Variants in CPNE4 observed in about 807,000 individuals in gnomAD.
CPNE4 encodes copine 4, also known as copine-4.
In CPNE4, 25 loss-of-function variants were observed where a neutral mutation model predicts 67.9. The ratio of observed to expected loss-of-function variants is 0.37; its 90% CI spans 0.27 to 0.51. The LOEUF is 0.51. Ranked by LOEUF, CPNE4 falls within the 20% of genes least tolerant of loss-of-function variation. CPNE4 has a pLI of 0.93. For synonymous variants in CPNE4, 242 were observed against 244.9 expected (o/e 0.99, Z 0.11); for missense variants, 464 against 690.8 (o/e 0.67, Z 3.68).
chr3:131,710,728 GTTTC>G (rs1244398493), intron 3 of CPNE4, among the ~76,000 whole-genome samples: 1 of 152,140 alleles, frequency 6.6e-6, no homozygotes, highest in Non-Finnish European at 1.5e-5. Flanking sequence ...CTGAAAATCA[GTTTC>G]TTCCCTTCGA....
At chr3:131,554,041 G>A (rs955178508) in intron 12 of CPNE4, among the ~76,000 whole-genome samples, 1 of 152,078 alleles carries the variant, frequency 6.6e-6, no homozygotes, top group African/African-American at 2.4e-5. Context: ...CCAAAAAGAT[G>A]TCATTAGTGA....
chr3:131,626,264 C>A (rs2079071429), intron 7 of CPNE4, among the ~76,000 whole-genome samples: 4 of 152,140 alleles, frequency 2.6e-5, no homozygotes. Context: ...GTGGGGAAGG[C>A]AAGTCAAAAG....
chr3:131,721,702 C>T (rs1167419187), intron 3 of CPNE4, among the ~76,000 whole-genome samples: 1 of 152,088 alleles, frequency 6.6e-6, no homozygotes, highest in Non-Finnish European at 1.5e-5. Flanking sequence ...GCCGGATCTA[C>T]CTTTATTTCT....
intron 1 of CPNE4, among the ~76,000 whole-genome samples, chr3:131,978,572 T>G: frequency 1.1e-5 from 1 of 93,002 alleles, no homozygotes; most frequent in Non-Finnish European, 2.1e-5. Context: ...CACAGTTTCT[T>G]TATCCACTCT....
At chr3:131,713,127 G>GT (rs5852640) in intron 3 of CPNE4, among the ~76,000 whole-genome samples, 39,477 of 149,074 alleles carry the variant, frequency 0.26, 5,930 homozygotes, top group South Asian at 0.39. Flanking sequence ...TCCTGTAGCT[G>GT]TTTTTTTTTT....
chr3:131,959,299 C>CT (rs35162198), intron 1 of CPNE4, among the ~76,000 whole-genome samples: 78,551 of 110,630 alleles, frequency 0.71, 28,935 homozygotes, highest in Admixed American at 0.8. Context: ...CGCGCCCGGC[C>CT]GATACACCTT....
At chr3:131,692,359 A>G (rs2107690001) in intron 5 of CPNE4, among the ~76,000 whole-genome samples, 1 of 152,292 alleles carries the variant, frequency 6.6e-6, no homozygotes, top group South Asian at 2.1e-4. Context: ...GACACCTGAT[A>G]CTTGGCACAT....
At chr3:132,025,815 A>T (rs2074103365) in intron 1 of CPNE4, among the ~76,000 whole-genome samples, 1 of 152,202 alleles carries the variant, frequency 6.6e-6, no homozygotes, top group Non-Finnish European at 1.5e-5. Flanking sequence ...GGAATTCCTG[A>T]CTTAAAATTT....
intron 7 of CPNE4, among the ~76,000 whole-genome samples, chr3:131,657,279 C>CT (rs2107635741): frequency 6.6e-6 from 1 of 152,062 alleles, no homozygotes; most frequent in South Asian, 2.1e-4. Context: ...AATTTTAGTC[C>CT]TTTTTAAAGA....
chr3:131,874,751 T>A (rs2087368122), intron 2 of CPNE4, among the ~76,000 whole-genome samples: 1 of 152,220 alleles, frequency 6.6e-6, no homozygotes, highest in Non-Finnish European at 1.5e-5. Context: ...TACAACTTCA[T>A]GGTAAAAAAA....
chr3:131,678,029 C>T (rs1386001745), intron 6 of CPNE4, among the ~76,000 whole-genome samples: 32 of 151,978 alleles, frequency 2.1e-4, no homozygotes, highest in Admixed American at 2.1e-3. Context: ...GGGAATATGC[C>T]CATTTTAATG....
chr3:131,729,158 T>C (rs2082071990), intron 2 of CPNE4, among the ~76,000 whole-genome samples: 2 of 151,998 alleles, frequency 1.3e-5, no homozygotes, highest in Admixed American at 6.6e-5. Flanking sequence ...GCCCTTATCA[T>C]CCCATGGGTA....
intron 2 of CPNE4, among the ~76,000 whole-genome samples, chr3:131,746,694 C>T (rs2082497637): frequency 6.6e-6 from 1 of 152,048 alleles, no homozygotes; most frequent in African/African-American, 2.4e-5. Context: ...TAGGTTTATT[C>T]CATATCTTGG....
At chr3:131,596,362 C>A (rs1215120305) in intron 7 of CPNE4, among the ~76,000 whole-genome samples, 1 of 116,878 alleles carries the variant, frequency 8.6e-6, no homozygotes, top group Non-Finnish European at 1.7e-5. Flanking sequence ...GTGGCTCACG[C>A]CTGTAATCCC....
intron 1 of CPNE4, among the ~76,000 whole-genome samples, chr3:131,977,206 C>A (rs2072683996): frequency 6.6e-6 from 1 of 152,110 alleles, no homozygotes; most frequent in South Asian, 2.1e-4. Flanking sequence ...TTCTGAGCAA[C>A]AATATTCAAG....
chr3:131,697,418 CAA>C (rs1370899228), intron 4 of CPNE4, among the ~76,000 whole-genome samples: 1 of 152,186 alleles, frequency 6.6e-6, no homozygotes, highest in Non-Finnish European at 1.5e-5. Flanking sequence ...ATACGCTTAT[CAA>C]ATTGCTTATA....
intron 3 of CPNE4, among the ~76,000 whole-genome samples, chr3:131,702,014 T>C (rs1449530691): frequency 6.6e-6 from 1 of 152,142 alleles, no homozygotes; most frequent in Non-Finnish European, 1.5e-5. Context: ...TTCATTTATT[T>C]TTGTCTGTGT....
intron 7 of CPNE4, among the ~76,000 whole-genome samples, chr3:131,652,240 G>T (rs1344835167): frequency 6.6e-6 from 1 of 152,164 alleles, no homozygotes; most frequent in African/African-American, 2.4e-5. Context: ...TAATAAAAAC[G>T]TAGAAGGACA....
chr3:131,586,171 A>G (rs1938168814), intron 8 of CPNE4, among the ~76,000 whole-genome samples: 1 of 152,184 alleles, frequency 6.6e-6, no homozygotes, highest in South Asian at 2.1e-4. Flanking sequence ...TCTCTAAAGA[A>G]AAAGACTTTC....
Sources: allele counts gnomAD v4.1 joint callset (sites outside exome capture counted in the v4.1 genomes callset), GRCh38; gene constraint gnomAD v4.1.1; transcripts MANE v1.5; gene names NCBI Gene and HGNC (gene_info 2026-07-23, HGNC 2026-07-21).